TACC2: variants seen among roughly 807,000 people sequenced by gnomAD.
TACC2 encodes transforming acidic coiled-coil-containing protein 2.
TACC2 carries 137 observed loss-of-function variants against 227.3 expected under a neutral mutation model. The ratio of observed to expected loss-of-function variants is 0.60; its 90% confidence interval spans 0.52 to 0.69. TACC2 has a LOEUF of 0.69. Among genes scored for constraint, TACC2 ranks in the 30% least tolerant of loss-of-function variants. TACC2 has a pLI of 0.00. For missense variants in TACC2, 3,470 were observed against 3,694.4 expected (o/e 0.94, Z 1.57); for synonymous variants, 1,523 against 1,487.5 (o/e 1.02, Z -0.55).
At chr10:122,077,114 C>CA (rs973879242) in intron 3 of TACC2, among the ~76,000 whole-genome samples, 15,824 of 66,600 alleles carry the variant, frequency 0.24, 1,424 homozygotes, top group Middle Eastern at 0.35. Flanking sequence ...GACTCTGTCT[C>CA]AAAAAAAAAA....
rs1565273580 is a variant in TACC2 at position 122,087,918 on chromosome 10, G to A, written c.5418G>A (p.Pro1806=). The change falls in exon 4 of 23, where the codon CCG becomes CCA. Residue 1806 remains proline (P), a synonymous_variant. Coordinates refer to ENST00000369005, the MANE Select transcript of TACC2 (RefSeq NM_206862.4). ...CAGAGCCTGACGAAACTCACGACCCGAAGCTGCAACATTTGGCTCCAGAAG... is the reference window on the plus strand; with the variant it reads ...CAGAGCCTGACGAAACTCACGACCCAAAGCTGCAACATTTGGCTCCAGAAG... ...SPPEPDETHD[P]KLQHLAPEEL... The A allele has an allele frequency of 6.6e-6, 10 of 1,512,370 alleles. 1 individual carries two copies. In the South Asian group the frequency reaches 8.0e-5, roughly 12 times the overall value. The allele number at this position is 1,512,370 out of a possible 1,614,324, so 93.7% of individuals were successfully genotyped here.
At chr10:122,226,521 A>T (rs2095632318) in intron 13 of TACC2, 40 bp downstream of exon 13, 1 of 1,442,030 alleles carries the variant, frequency 6.9e-7, no homozygotes, top group Non-Finnish European at 9.7e-7. Flanking sequence ...ATCATGCTGG[A>T]TGTTCTAAAG....
chr10:122,024,527 C>T (rs1957751299), intron 2 of TACC2, among the ~76,000 whole-genome samples: 2 of 152,120 alleles, frequency 1.3e-5, no homozygotes, highest in Non-Finnish European at 2.9e-5. Flanking sequence ...ACTCTTGTTG[C>T]CCTTCTGTAG....
At chr10:122,198,092 G>T (rs2094636997) in intron 8 of TACC2, among the ~76,000 whole-genome samples, 1 of 152,250 alleles carries the variant, frequency 6.6e-6, no homozygotes, top group South Asian at 2.1e-4. Flanking sequence ...AATAAAGATG[G>T]TTTTTCCCCC....
intron 8 of TACC2, among the ~76,000 whole-genome samples, chr10:122,207,889 A>G (rs992349135): frequency 6.6e-6 from 1 of 152,116 alleles, no homozygotes; most frequent in Non-Finnish European, 1.5e-5. Flanking sequence ...ACGACGGGAT[A>G]GGCTGAGGCT....
In TACC2 at chr10:122,050,414, C is replaced by A; in HGVS notation, c.34-24C>A. 6.3e-7 allele frequency: 1 copy of A among 1,589,688 alleles called. No homozygotes were observed. Among genetic ancestry groups the A allele is most frequent in the Non-Finnish European group, 8.6e-7 (1 of 1,160,124 alleles). On this transcript the variant is annotated intron_variant, in intron 2 of 22. Coordinates refer to ENST00000369005, the MANE Select transcript of TACC2 (RefSeq NM_206862.4). The surrounding 1 kb of genome is among the most constrained non-coding windows in gnomAD (Gnocchi z 4.6). ...AGAGACTCCTATCTGATTTCCTTTC[C>A]AATTTCTTTTTCTCCTGGCTCAGAG... is the stretch of plus-strand genomic sequence containing the variant.
intron 1 of TACC2, among the ~76,000 whole-genome samples, chr10:121,996,655 G>A (rs1270876520): frequency 6.6e-6 from 1 of 152,176 alleles, no homozygotes; most frequent in East Asian, 1.9e-4. Context: ...ATGAGGTGTA[G>A]AATGACCACA....
At chr10:122,186,802 C>T (rs1399612127) in intron 7 of TACC2, among the ~76,000 whole-genome samples, 2 of 152,198 alleles carry the variant, frequency 1.3e-5, no homozygotes, top group Non-Finnish European at 2.9e-5. Context: ...CATGTGACAC[C>T]GCCCCCGGCC....
At chr10:122,202,863 T>C (rs1593282743) in intron 8 of TACC2, among the ~76,000 whole-genome samples, 1 of 150,928 alleles carries the variant, frequency 6.6e-6, no homozygotes, top group Non-Finnish European at 1.5e-5. Flanking sequence ...TGATGACTCT[T>C]AAGGAGCATG....
intron 19 of TACC2, chr10:122,245,212 G>C (rs2096084077): frequency 6.6e-6 from 1 of 152,172 alleles, no homozygotes; most frequent in South Asian, 2.1e-4. Context: ...GCCTGAAAAA[G>C]CCAGAAAAGT....
intron 3 of TACC2, among the ~76,000 whole-genome samples, chr10:122,062,324 C>T (rs112286719): frequency 2.7e-5 from 4 of 149,450 alleles, no homozygotes; most frequent in African/African-American, 9.8e-5. Context: ...TGAGCCACCA[C>T]GCCTGGAGTT....
intron 3 of TACC2, among the ~76,000 whole-genome samples, chr10:122,060,280 C>T (rs4751867): frequency 0.18 from 27,438 of 151,966 alleles, 2,568 homozygotes; most frequent in East Asian, 0.32. Flanking sequence ...TGGGGCCAGG[C>T]GGTCAAAGAA....
intron 5 of TACC2, among the ~76,000 whole-genome samples, chr10:122,096,484 G>A (rs1441055639): frequency 6.6e-6 from 1 of 152,082 alleles, no homozygotes; most frequent in African/African-American, 2.4e-5. Flanking sequence ...ATCATCTGAG[G>A]TCAGGAGCTC....
At chr10:122,112,742 T>C (rs1043173387) in intron 5 of TACC2, among the ~76,000 whole-genome samples, 1 of 152,180 alleles carries the variant, frequency 6.6e-6, no homozygotes, top group African/African-American at 2.4e-5. Flanking sequence ...AGTAACAAGT[T>C]GTCATGACTC....
intron 3 of TACC2, among the ~76,000 whole-genome samples, chr10:122,063,544 A>G (rs2077065979): frequency 6.6e-6 from 1 of 152,168 alleles, no homozygotes; most frequent in Admixed American, 6.5e-5. Flanking sequence ...GAGGCTTTAA[A>G]CAACAGGGGA....
chr10:122,135,903 T>A (rs529801000), intron 6 of TACC2, among the ~76,000 whole-genome samples: 1 of 152,338 alleles, frequency 6.6e-6, no homozygotes, highest in African/African-American at 2.4e-5. Flanking sequence ...GGTGAGCACA[T>A]TGTTTCAAAT....
At chr10:122,058,217 C>T (rs2076403414) in intron 3 of TACC2, among the ~76,000 whole-genome samples, 1 of 152,234 alleles carries the variant, frequency 6.6e-6, no homozygotes, top group African/African-American at 2.4e-5. Flanking sequence ...ATGCACGCCC[C>T]TCTTCATGAA....
chr10:122,072,777 A>G (rs1395159723), intron 3 of TACC2, among the ~76,000 whole-genome samples: 1 of 152,070 alleles, frequency 6.6e-6, no homozygotes, highest in African/African-American at 2.4e-5. Context: ...TCATTCAGTC[A>G]CTCATTCAAC....
chr10:122,246,918 C>G (rs950899825), intron 19 of TACC2: 1 of 152,414 alleles, frequency 6.6e-6, no homozygotes, highest in African/African-American at 2.4e-5. Context: ...GGAAGAGGAG[C>G]CATTTCCAGT....
Sources: gnomAD v4.1 joint callset for allele counts (sites outside exome capture counted in the v4.1 genomes callset) on GRCh38, gnomAD v4.1.1 for gene constraint, Gnocchi (gnomAD v3.1) non-coding constraint, MANE v1.5 for transcripts, NCBI Gene and HGNC (gene_info 2026-07-23, HGNC 2026-07-21) for gene names.